The following STK32C variants were observed in gnomAD, a reference collection of about 807,000 sequenced individuals.
The protein encoded by STK32C is serine/threonine-protein kinase 32C.
In STK32C, 31 loss-of-function variants were observed where a neutral mutation model predicts 56.5. That is an observed-to-expected ratio of 0.55 (90% CI 0.41 to 0.74). STK32C has a LOEUF of 0.74. Ranked by LOEUF, STK32C falls within the 30% of genes least tolerant of loss-of-function variation. STK32C has a pLI of 0.00. For missense variants in STK32C, 544 were observed against 676.9 expected (o/e 0.80, Z 2.18); for synonymous variants, 309 against 289.4 (o/e 1.07, Z -0.69).
intron 1 of STK32C, among the ~76,000 whole-genome samples, chr10:132,299,088 C>T (rs2065839533): frequency 6.7e-6 from 1 of 148,782 alleles, no homozygotes; most frequent in Admixed American, 6.7e-5. Context: ...GAGACCCCAG[C>T]AGCATGGATA....
chr10:132,254,428 GCCGCAGGGCGC>G (rs2064031232), intron 1 of STK32C, among the ~76,000 whole-genome samples: 1 of 151,920 alleles, frequency 6.6e-6, no homozygotes, highest in Non-Finnish European at 1.5e-5. Context: ...AAATAAGCCT[GCCGCAGGGCGC>G]CGGGAATCAG....
chr10:132,275,626 G>C (rs78807206), intron 1 of STK32C, among the ~76,000 whole-genome samples: 2,325 of 152,258 alleles, frequency 0.015, 62 homozygotes, highest in African/African-American at 0.052. Flanking sequence ...CGGGGCCAGT[G>C]GCCAGGGGCC....
intron 1 of STK32C, among the ~76,000 whole-genome samples, chr10:132,269,036 A>G (rs2064721379): frequency 7.5e-6 from 1 of 134,032 alleles, no homozygotes; most frequent in Non-Finnish European, 1.6e-5. Context: ...CATGTCCCAC[A>G]TCGTGTGTGT....
chr10:132,232,680 G>T (rs547006082), intron 2 of STK32C, among the ~76,000 whole-genome samples: 3 of 151,578 alleles, frequency 2.0e-5, no homozygotes, highest in Admixed American at 6.6e-5. Flanking sequence ...CCAACCCCGG[G>T]CTCCGGAGCC....
chr10:132,316,067 T>C (rs1448714749), intron 1 of STK32C, among the ~76,000 whole-genome samples: 2 of 152,186 alleles, frequency 1.3e-5, no homozygotes, highest in Admixed American at 1.3e-4. Flanking sequence ...ATAAGAGATG[T>C]TAAAAATCAG....
At chr10:132,247,140 G>A (rs2063721581) in intron 1 of STK32C, among the ~76,000 whole-genome samples, 1 of 152,210 alleles carries the variant, frequency 6.6e-6, no homozygotes, top group Non-Finnish European at 1.5e-5. Flanking sequence ...AGCAGGGTAG[G>A]TACTGACCCC....
At chr10:132,234,899 C>T (rs566387373) in intron 2 of STK32C, among the ~76,000 whole-genome samples, 39 of 152,338 alleles carry the variant, frequency 2.6e-4, no homozygotes, top group South Asian at 1.2e-3. Flanking sequence ...TTGTGTGGCA[C>T]GCCCACCAGG....
chr10:132,209,327 T>A, intron 10 of STK32C: 2 of 710,124 alleles, frequency 2.8e-6, no homozygotes, highest in Non-Finnish European at 5.1e-6. Flanking sequence ...CCAGCTCCCT[T>A]GCCTCTGGGT....
exon 1 of STK32C, chr10:132,331,489 A>G: frequency 1.2e-6 from 2 of 1,612,756 alleles, no homozygotes; most frequent in African/African-American, 1.3e-5. Flanking sequence ...TACTTCTCCA[A>G]AGAGGACGCT....
intron 2 of STK32C, among the ~76,000 whole-genome samples, chr10:132,231,003 C>G (rs1011551774): frequency 1.1e-4 from 16 of 152,290 alleles, no homozygotes; most frequent in Middle Eastern, 3.4e-3. Context: ...GGACACAGAC[C>G]GGGTGTCTAC....
chr10:132,208,299 C>G, intron 11 of STK32C, 148 bp from the exon 12 acceptor site: 1 of 1,001,110 alleles, frequency 1.0e-6, no homozygotes. Context: ...AGAGGCCATG[C>G]TCCCGATACA....
Position 132,279,276 on chromosome 10 carries a change from T to C in STK32C, c.262+28296A>G, listed in dbSNP as rs190839614. ...CGTGTCCATAACAGGCGAGGTGACA[T>C]GACCATGTTACGGCCATAACACGGA... is the stretch of plus-strand genomic sequence containing the variant. On this transcript the variant is annotated intron_variant, in intron 1 of 11. Transcript: ENST00000298630. Among the ~76,000 whole-genome samples, 662 of 152,240 alleles carry C rather than the reference T, an allele frequency of 4.3e-3. 25 individuals carry two copies. In the South Asian group the frequency reaches 0.089, roughly 20 times the overall value.
At chr10:132,252,304 G>T (rs1040706345) in intron 1 of STK32C, among the ~76,000 whole-genome samples, 2 of 152,258 alleles carry the variant, frequency 1.3e-5, no homozygotes. Context: ...CAGGGAGGGG[G>T]CTAAAGCAGG....
Position 132,285,849 on chromosome 10 carries a change from C to T in STK32C, c.262+21723G>A, listed in dbSNP as rs141900847. Among the ~76,000 whole-genome samples the T allele has an allele frequency of 8.5e-3, 1,295 of 152,274 alleles. 14 individuals carry two copies. Among genetic ancestry groups the T allele is most frequent in the Middle Eastern group, 0.048 (14 of 294 alleles). On this transcript the variant is annotated intron_variant, in intron 1 of 11. Coordinates refer to ENST00000298630, the MANE Select transcript of STK32C (RefSeq NM_173575.4). ...TTAAAAGGAAAATATTGGCCAGTCG[C>T]GGTGGCTCACGCGTGTAAGCCCAGC...
chr10:132,226,313 T>C (rs1006125177), intron 4 of STK32C, among the ~76,000 whole-genome samples: 3 of 152,276 alleles, frequency 2.0e-5, no homozygotes, highest in Non-Finnish European at 2.9e-5. Context: ...TAATTTCTGC[T>C]TCCCAATTTC....
downstream of STK32C, among the ~76,000 whole-genome samples, chr10:132,321,420 C>T (rs1478911627): frequency 6.6e-6 from 1 of 152,188 alleles, no homozygotes; most frequent in Non-Finnish European, 1.5e-5. Context: ...TCACGTCACC[C>T]TCCACATAGC....
At chr10:132,252,639 C>T (rs1173768126) in intron 1 of STK32C, among the ~76,000 whole-genome samples, 1 of 152,200 alleles carries the variant, frequency 6.6e-6, no homozygotes, top group Admixed American at 6.5e-5. Flanking sequence ...CAACGGCGGG[C>T]GTGGGATGGA....
At chr10:132,283,836 C>A (rs2065291295) in intron 1 of STK32C, among the ~76,000 whole-genome samples, 1 of 152,192 alleles carries the variant, frequency 6.6e-6, no homozygotes, top group African/African-American at 2.4e-5. Flanking sequence ...TCTCCCCACG[C>A]TCTGCTGGGA....
At chr10:132,230,040 G>A (rs1363140027) in intron 2 of STK32C, among the ~76,000 whole-genome samples, 1 of 152,210 alleles carries the variant, frequency 6.6e-6, no homozygotes, top group Non-Finnish European at 1.5e-5. Flanking sequence ...AGGCGCGTGT[G>A]CTGATGGGGG....
Sources: gnomAD v4.1 joint callset for allele counts (sites outside exome capture counted in the v4.1 genomes callset) on GRCh38, gnomAD v4.1.1 for gene constraint, MANE v1.5 for transcripts, NCBI Gene and HGNC (gene_info 2026-07-23, HGNC 2026-07-21) for gene names.